ATP6V1C1: variants seen among roughly 807,000 people sequenced by gnomAD.
ATP6V1C1 encodes V-type proton ATPase subunit C 1.
In ATP6V1C1, 45 loss-of-function variants were observed where a neutral mutation model predicts 53.9. The ratio of observed to expected loss-of-function variants is 0.83; its 90% confidence interval spans 0.66 to 1.07. The LOEUF is 1.07. ATP6V1C1 is among the 50% of genes least tolerant of loss of function. ATP6V1C1 has a pLI of 0.00. For missense variants in ATP6V1C1, 315 were observed against 440.3 expected (o/e 0.72, Z 2.55); for synonymous variants, 153 against 155.2 (o/e 0.99, Z 0.11).
At chr8:103,042,450 C>A (rs746705001) in intron 3 of ATP6V1C1, 43 bp downstream of exon 3, 5 of 1,572,432 alleles carry the variant, frequency 3.2e-6, no homozygotes, top group Non-Finnish European at 4.4e-6. Flanking sequence ...ATGGGAGACA[C>A]TATTATCAGG....
intron 8 of ATP6V1C1, among the ~76,000 whole-genome samples, chr8:103,060,193 C>G (rs1205254158): frequency 6.6e-6 from 1 of 151,998 alleles, no homozygotes; most frequent in Non-Finnish European, 1.5e-5. Context: ...GTCTCGAGCT[C>G]CTGACCTCTA....
In ATP6V1C1 at chr8:103,047,428, GCGCA is replaced by G. The variant is rs1408501369; in HGVS notation, c.201-1440_201-1437del. Among the ~76,000 whole-genome samples, 986 of 117,490 alleles carry G rather than the reference GCGCA, an allele frequency of 8.4e-3. 6 individuals carry two copies. The highest frequency in any genetic ancestry group is 0.017 in the Middle Eastern group (4 of 234). The allele number at this position is 117,490 out of a possible 152,430, so 77.1% of individuals were successfully genotyped here. ...TCTTAAAAAAAAAAAAAAAATGCGC[GCGCA>G]CACACACACACACACACACACACAC... On this transcript the variant is annotated intron_variant, in intron 3 of 12. Coordinates refer to ENST00000518738, the MANE Select transcript of ATP6V1C1 (RefSeq NM_001695.5).
intron 3 of ATP6V1C1, among the ~76,000 whole-genome samples, chr8:103,045,133 G>A (rs1375967526): frequency 6.6e-6 from 1 of 152,194 alleles, no homozygotes; most frequent in Admixed American, 6.5e-5. Context: ...TCTCAGAAAT[G>A]TACATTTGAT....
At chr8:103,029,292 T>G (rs1487433558) in intron 1 of ATP6V1C1, among the ~76,000 whole-genome samples, 1 of 151,986 alleles carries the variant, frequency 6.6e-6, no homozygotes, top group African/African-American at 2.4e-5. Flanking sequence ...TTCTTTTTTT[T>G]TTTCAAGACC....
At chr8:103,031,812 T>C (rs182670307) in intron 1 of ATP6V1C1, among the ~76,000 whole-genome samples, 117 of 152,220 alleles carry the variant, frequency 7.7e-4, no homozygotes, top group African/African-American at 2.6e-3. Context: ...TGGTTTAACA[T>C]ACATGTGATC....
intron 8 of ATP6V1C1, among the ~76,000 whole-genome samples, chr8:103,057,545 T>G (rs1340542584): frequency 6.6e-6 from 1 of 152,170 alleles, no homozygotes; most frequent in Non-Finnish European, 1.5e-5. Context: ...TCCTTTCAAT[T>G]TAGTTCTAGG....
chr8:103,063,411 A>G (rs1563610144), intron 10 of ATP6V1C1, 183 bp downstream of exon 10: 3 of 507,656 alleles, frequency 5.9e-6, no homozygotes, highest in East Asian at 3.2e-5. Context: ...AGAGATAACT[A>G]TTCTATTTCT....
chr8:103,041,186 G>A (rs898102227), intron 2 of ATP6V1C1, among the ~76,000 whole-genome samples: 2 of 152,150 alleles, frequency 1.3e-5, no homozygotes, highest in African/African-American at 4.8e-5. Flanking sequence ...CTTCTAAATT[G>A]CAATGAAAAA....
intron 4 of ATP6V1C1, among the ~76,000 whole-genome samples, chr8:103,050,560 A>T (rs1586320295): frequency 6.6e-6 from 1 of 152,158 alleles, no homozygotes; most frequent in East Asian, 1.9e-4. Context: ...TACATGTTTT[A>T]TTCTTTCCAT....
chr8:103,061,432 C>T (rs1368659561), intron 8 of ATP6V1C1, among the ~76,000 whole-genome samples: 2 of 152,194 alleles, frequency 1.3e-5, no homozygotes, highest in African/African-American at 4.8e-5. Context: ...GGAAAAACTA[C>T]ACTTGCTTTA....
chr8:103,026,009 T>C (rs964735509), intron 1 of ATP6V1C1, among the ~76,000 whole-genome samples: 2 of 152,222 alleles, frequency 1.3e-5, no homozygotes, highest in African/African-American at 2.4e-5. Flanking sequence ...AAGTCATGTT[T>C]TGGGAGCCAT....
At chr8:103,056,482 A>G (rs947380235) in intron 8 of ATP6V1C1, among the ~76,000 whole-genome samples, 3 of 152,212 alleles carry the variant, frequency 2.0e-5, no homozygotes, top group African/African-American at 7.2e-5. Context: ...TTTAACATGC[A>G]TTGTCTAATT....
intron 4 of ATP6V1C1, 140 bp from the exon 5 acceptor site, chr8:103,050,910 A>G (rs935967927): frequency 9.4e-6 from 6 of 639,314 alleles, no homozygotes; most frequent in Admixed American, 8.6e-5. Flanking sequence ...AATATAGTTC[A>G]CATTTAATCA....
chr8:103,024,862 C>A (rs926608584), intron 1 of ATP6V1C1, among the ~76,000 whole-genome samples: 3 of 152,046 alleles, frequency 2.0e-5, no homozygotes, highest in African/African-American at 7.2e-5. Flanking sequence ...AAGATTATAC[C>A]ATGTGCAAAT....
intron 3 of ATP6V1C1, among the ~76,000 whole-genome samples, chr8:103,044,250 AT>A (rs1265748975): frequency 1.3e-5 from 2 of 151,998 alleles, no homozygotes; most frequent in African/African-American, 4.8e-5. Context: ...AGTCCAATTT[AT>A]TTTTTTCTTT....
intron 3 of ATP6V1C1, among the ~76,000 whole-genome samples, chr8:103,042,851 C>T (rs923152514): frequency 3.3e-5 from 5 of 152,152 alleles, no homozygotes; most frequent in Non-Finnish European, 7.3e-5. Context: ...GAATACAATA[C>T]GTGGTCTTTT....
At chr8:103,029,282 TTC>T (rs34885064) in intron 1 of ATP6V1C1, among the ~76,000 whole-genome samples, 68,376 of 149,472 alleles carry the variant, frequency 0.46, 15,977 homozygotes, top group African/African-American at 0.55. Flanking sequence ...TCTCTCTCTC[TTC>T]TTTTTTTTTT....
At chr8:103,064,094 G>A (rs757572196) in intron 10 of ATP6V1C1, among the ~76,000 whole-genome samples, 8 of 152,130 alleles carry the variant, frequency 5.3e-5, no homozygotes, top group Non-Finnish European at 1.0e-4. Context: ...GTTATCCAAG[G>A]AAGTGTTAGC....
intron 1 of ATP6V1C1, among the ~76,000 whole-genome samples, chr8:103,035,831 A>C (rs1316159147): frequency 6.6e-6 from 1 of 152,134 alleles, no homozygotes; most frequent in African/African-American, 2.4e-5. Context: ...AATCTCTAGT[A>C]TCTGATCTCT....
Sources: gnomAD v4.1 joint callset for allele counts (sites outside exome capture counted in the v4.1 genomes callset) on GRCh38, gnomAD v4.1.1 for gene constraint, MANE v1.5 for transcripts, NCBI Gene and HGNC (gene_info 2026-07-23, HGNC 2026-07-21) for gene names.